Variants in CNNM1 observed in about 807,000 individuals in gnomAD.
CNNM1 encodes the protein cyclin and CBS domain divalent metal cation transport mediator 1.
Under a neutral mutation model 78.8 loss-of-function variants are expected in CNNM1, and 44 were observed. The ratio of observed to expected loss-of-function variants is 0.56; its 90% CI spans 0.44 to 0.72. The LOEUF is 0.72. Ranked by LOEUF, CNNM1 falls within the 30% of genes least tolerant of loss-of-function variation. The pLI, the probability that CNNM1 is intolerant of heterozygous loss-of-function variation, is 0.00. For missense variants in CNNM1, 1,101 were observed against 1,292.2 expected, an observed-to-expected ratio of 0.85 and a Z score of 2.27; for synonymous variants, 584 against 581.5, an observed-to-expected ratio of 1.00 and a Z score of -0.06.
chr10:99,334,578 G>C (rs539056037), intron 1 of CNNM1, among the ~76,000 whole-genome samples: 2 of 152,256 alleles, frequency 1.3e-5, no homozygotes, highest in African/African-American at 4.8e-5. Flanking sequence ...GCTGAGACAG[G>C]AGGCGGAGGT....
chr10:99,346,046 A>G (rs1363828955), intron 1 of CNNM1, among the ~76,000 whole-genome samples: 2 of 152,068 alleles, frequency 1.3e-5, no homozygotes, highest in African/African-American at 4.8e-5. Flanking sequence ...TAGTAGTGGG[A>G]AAGAAGGCAA....
chr10:99,353,717 A>G (rs1299004563), intron 1 of CNNM1, among the ~76,000 whole-genome samples: 1 of 152,236 alleles, frequency 6.6e-6, no homozygotes, highest in South Asian at 2.1e-4. Context: ...CCCAGTCTGT[A>G]CTTAAGAAGA....
chr10:99,352,527 T>G (rs1251641766), intron 1 of CNNM1, among the ~76,000 whole-genome samples: 1 of 152,206 alleles, frequency 6.6e-6, no homozygotes, highest in Non-Finnish European at 1.5e-5. Context: ...CTAACCAACA[T>G]TTGTTATTAT....
rs2031548255 is a variant in CNNM1 at position 99,364,501 on chromosome 10, A to C, written c.2113A>C (p.Thr705Pro). The C allele has an allele frequency of 1.2e-6, 2 of 1,611,028 alleles. No individual in the cohort carries two copies. The highest frequency in any genetic ancestry group is 2.7e-5 in the African/African-American group (2 of 74,838). The change falls in exon 5 of 11, where the codon ACC becomes CCC. Residue 705 changes from threonine (T) to proline (P), a missense_variant. Physicochemically the swap from Thr to Pro is conservative, Grantham distance 38 (BLOSUM62 -1). Transcript: ENST00000356713. ...TTACTATGGCGTCCCAGCCATCATG[A>C]CCACTGCTTGCTCAGGTATTCTAGT... ...FTYYGVPAIM[T>P]TACSDNDVRK...
chr10:99,385,617 C>T (rs1007745311), intron 7 of CNNM1, among the ~76,000 whole-genome samples: 1 of 152,174 alleles, frequency 6.6e-6, no homozygotes, highest in Non-Finnish European at 1.5e-5. Context: ...AACAACCATT[C>T]CTAACAGTTT....
chr10:99,356,589 AAAG>A (rs1206804901), intron 1 of CNNM1, among the ~76,000 whole-genome samples: 56 of 127,730 alleles, frequency 4.4e-4, no homozygotes, highest in African/African-American at 1.5e-3. Context: ...AGAAAGAAAG[AAAG>A]AAAGAAAGAA....
At chr10:99,342,071 C>T (rs920052161) in intron 1 of CNNM1, among the ~76,000 whole-genome samples, 3 of 152,230 alleles carry the variant, frequency 2.0e-5, no homozygotes, top group African/African-American at 4.8e-5. Context: ...CACAAAATCA[C>T]TCTTCCTGTG....
intron 1 of CNNM1, among the ~76,000 whole-genome samples, chr10:99,351,006 A>G (rs939121019): frequency 4.6e-5 from 7 of 152,202 alleles, no homozygotes; most frequent in Non-Finnish European, 8.8e-5. Context: ...CCTGGGGGGC[A>G]AAATCACCTC....
In CNNM1 at chr10:99,388,289, C is replaced by A; in HGVS notation, c.2662C>A (p.Pro888Thr). 6.2e-7 allele frequency: 1 copy of A among 1,613,554 alleles called. No individual in the cohort carries two copies. The highest frequency in any genetic ancestry group is 1.7e-5 in the Admixed American group (1 of 59,992). ...GCTCACGCTGTCTCCTGCAGCCGTTCCCACGAGAGCAGGTCAGGGAGGCCA... is the reference window on the plus strand; with the variant it reads ...GCTCACGCTGTCTCCTGCAGCCGTTACCACGAGAGCAGGTCAGGGAGGCCA... ...QQLTLSPAAV[P>T]TRAASDSECC... Residue 888 changes from proline to threonine, a missense_variant, in exon 9 of 11, where the codon CCC (proline) becomes ACC (threonine). By Grantham distance (38) the Pro-to-Thr change is conservative (BLOSUM62 -1). Transcript: ENST00000356713.
chr10:99,391,505 C>T lies in CNNM1; in HGVS notation c.2845C>T (p.Leu949=). 1 of 1,613,712 alleles carries T rather than the reference C, an allele frequency of 6.2e-7. No homozygotes were observed. The highest frequency in any genetic ancestry group is 8.5e-7 in the Non-Finnish European group (1 of 1,179,644). Reference sequence around the variant, plus strand: ...TGAGGACAACTCCAATTTAACACCTCTGATCACATGACAGGGCAAAGCCAG... The same window carrying T: ...TGAGGACAACTCCAATTTAACACCTTTGATCACATGACAGGGCAAAGCCAG... ...TSEDNSNLTP[L]IT The change falls in exon 11 of 11, where the codon CTG becomes TTG. Residue 949 remains leucine, a synonymous_variant. Transcript: ENST00000356713.
intron 6 of CNNM1, among the ~76,000 whole-genome samples, chr10:99,369,847 A>G (rs188586990): frequency 1.0e-3 from 153 of 152,264 alleles, no homozygotes; most frequent in Non-Finnish European, 1.7e-3. Context: ...CTACTCCTAC[A>G]TGCCCGCAAA....
intron 1 of CNNM1, among the ~76,000 whole-genome samples, chr10:99,336,229 G>A (rs530431676): frequency 5.9e-5 from 9 of 152,108 alleles, no homozygotes; most frequent in Admixed American, 2.6e-4. Context: ...ACCTAACATC[G>A]TCCTAAGGCA....
At chr10:99,357,316 A>G (rs1347836491) in intron 1 of CNNM1, among the ~76,000 whole-genome samples, 196 bp from the exon 2 acceptor site, 2 of 152,190 alleles carry the variant, frequency 1.3e-5, no homozygotes, top group Non-Finnish European at 2.9e-5. Flanking sequence ...AGAAACACAA[A>G]TCTAGAAGAA....
intron 1 of CNNM1, among the ~76,000 whole-genome samples, chr10:99,338,942 G>A (rs2030320060): frequency 6.6e-6 from 1 of 152,190 alleles, no homozygotes; most frequent in African/African-American, 2.4e-5. Flanking sequence ...TGGAGCCGTA[G>A]AGATTTATCA....
intron 1 of CNNM1, among the ~76,000 whole-genome samples, chr10:99,356,511 A>AG (rs2031158329): frequency 1.3e-5 from 2 of 148,196 alleles, no homozygotes; most frequent in African/African-American, 5.1e-5. Flanking sequence ...AGAGAGAGAG[A>AG]AAGAGAAAGA....
At chr10:99,367,124 C>T (rs997955619) in intron 6 of CNNM1, among the ~76,000 whole-genome samples, 11 of 152,156 alleles carry the variant, frequency 7.2e-5, no homozygotes, top group African/African-American at 2.7e-4. Flanking sequence ...ACAGTTATCC[C>T]GGGTGAATGC....
chr10:99,377,398 G>T lies in CNNM1; in HGVS notation c.2340+180G>T, dbSNP rs1326448539. On this transcript the variant is annotated intron_variant, in intron 7 of 10. Transcript: ENST00000356713. ...AAAGGCTGTTTTCAGTAAGCTTTAG[G>T]ACGGTTCATTATTTGTCACTCTTTT... 7.6e-6 allele frequency: 4 copies of T among 528,852 alleles called. No homozygotes were observed. In the African/African-American group the frequency reaches 7.7e-5, roughly 10 times the overall value. 32.8% of individuals were successfully genotyped at this position (528,852 alleles called of 1,614,324 possible). A position where few individuals can be genotyped will look rare whatever the true frequency, so the allele number is the denominator to read the frequency against.
At chr10:99,387,325 C>G (rs1179383901) in intron 7 of CNNM1, among the ~76,000 whole-genome samples, 1 of 152,152 alleles carries the variant, frequency 6.6e-6, no homozygotes, top group Non-Finnish European at 1.5e-5. Context: ...GAGCATGACC[C>G]TACATCCAGG....
At chr10:99,359,239 G>C (rs1190749074) in intron 2 of CNNM1, among the ~76,000 whole-genome samples, 1 of 151,728 alleles carries the variant, frequency 6.6e-6, no homozygotes, top group Non-Finnish European at 1.5e-5. Flanking sequence ...GCAATCTGAT[G>C]GGGGAGAGGG....
Sources: gnomAD v4.1 joint callset for allele counts (sites outside exome capture counted in the v4.1 genomes callset) on GRCh38, gnomAD v4.1.1 for gene constraint, MANE v1.5 for transcripts, NCBI Gene and HGNC (gene_info 2026-07-23, HGNC 2026-07-21) for gene names.